Variants in CAPN3 observed in about 807,000 individuals in gnomAD.
CAPN3 encodes calpain-3.
A neutral mutation model predicts 114.0 loss-of-function variants in CAPN3; 88 were observed. The observed-to-expected ratio is 0.77, with a 90% CI of 0.65 to 0.92. The LOEUF is 0.92. Ranked by LOEUF, CAPN3 falls within the 40% of genes least tolerant of loss-of-function variation. The probability of loss-of-function intolerance (pLI) is 0.00; values close to 1 mark genes in which losing one functional copy is unlikely to be tolerated. For missense variants in CAPN3, 1,028 were observed against 1,069.0 expected (o/e 0.96, Z 0.53); for synonymous variants, 386 against 382.9 (o/e 1.01, Z -0.09).
rs200379491 is a variant in CAPN3 at position 42,410,432 on chromosome 15, A to G, written c.2120A>G (p.Asp707Gly). ...GCCCTGACCTCCCTCCTCCAGACAG[A>G]TGGCTCTGGAAAGCTCAACCTGCAG... ...CRSMIALMDT[D>G]GSGKLNLQEF... is the part of the protein sequence containing the mutation. Residue 707 changes from aspartate (D) to glycine (G), a missense_variant, in exon 20 of 24, where the codon GAT (aspartate) becomes GGT (glycine). Coordinates refer to ENST00000397163, the MANE Select transcript of CAPN3 (RefSeq NM_000070.3). 4.6e-5 allele frequency: 75 copies of G among 1,614,114 alleles called. No homozygotes were observed. The East Asian group carries it at 1.6e-3, about 35-fold the overall frequency.
At chr15:42,396,650 T>C (rs2053701714) in intron 8 of CAPN3, 150 bp from the exon 9 acceptor site, 1 of 675,662 alleles carries the variant, frequency 1.5e-6, no homozygotes, top group Non-Finnish European at 2.7e-6. Context: ...TCATTGCTAT[T>C]GGGTTTCACA....
chr15:42,397,362 C>A lies in CAPN3; in HGVS notation c.1193+485C>A, dbSNP rs545264606. ...TCACCCTTAAAATTGTTTGCTTAAG[C>A]CGGGCGCGGTGGCTCACGCCTGTAA... On this transcript the variant is annotated intron_variant, in intron 9 of 23. Coordinates refer to ENST00000397163, the MANE Select transcript of CAPN3 (RefSeq NM_000070.3). Among the ~76,000 whole-genome samples the A allele has an allele frequency of 4.6e-5, 7 of 152,310 alleles. No individual in the cohort carries two copies. In the East Asian group the frequency reaches 1.4e-3, roughly 29 times the overall value.
rs945110364 is a variant in CAPN3 at position 42,411,946 on chromosome 15, C to A, written c.*173C>A. 6.5e-7 allele frequency: 1 copy of A among 1,528,804 alleles called. No homozygotes were observed. The highest frequency in any genetic ancestry group is 1.2e-5 in the South Asian group (1 of 80,048). 94.7% of individuals were successfully genotyped at this position (1,528,804 alleles called of 1,614,324 possible). The stretch of plus-strand genomic sequence containing the variant: ...TACCCCCTACCCATCCTTGATCGGT[C>A]ATGCCTAGCCTGACCCTTTAGTAAA... On this transcript the variant is annotated 3_prime_UTR_variant, in exon 24 of 24. Transcript: ENST00000397163.
At chr15:42,400,242 A>G (rs1487985484) in intron 10 of CAPN3, among the ~76,000 whole-genome samples, 1 of 152,226 alleles carries the variant, frequency 6.6e-6, no homozygotes, top group East Asian at 1.9e-4. Flanking sequence ...AGTAACAGTA[A>G]GGGCACTATT....
chr15:42,403,769 CG>C lies in CAPN3; in HGVS notation c.1776del (p.Pro593GlnfsTer2). On this transcript the variant is annotated frameshift_variant, in exon 14 of 24. Coordinates refer to ENST00000397163, the MANE Select transcript of CAPN3 (RefSeq NM_000070.3). LOFTEE classifies it high-confidence loss of function. ...AGTTGAAAATACCATCTCCGTGGATCGGCCAGTGGTGAGTGGTTTAGATCTT... is the reference window on the plus strand; with the variant it reads ...AGTTGAAAATACCATCTCCGTGGATCGCCAGTGGTGAGTGGTTTAGATCTT... ...EEVENTISVD[R>X]PVKKKKTKPI... 1 of 1,613,936 alleles carries C rather than the reference CG, an allele frequency of 6.2e-7. No homozygotes were observed. Among genetic ancestry groups the C allele is most frequent in the Non-Finnish European group, 8.5e-7 (1 of 1,179,868 alleles).
At position 42,384,664 on chromosome 15, in the gene CAPN3, T is replaced by TG. The variant is rs573048486; in HGVS notation, c.379+114dup. ...TCTGTGCTTGCTTCCAGTAACTTTT[T>TG]GGAAGATTTTTTATAACAGTTGCTT... On this transcript the variant is annotated intron_variant, in intron 2 of 23. Coordinates refer to ENST00000397163, the MANE Select transcript of CAPN3 (RefSeq NM_000070.3). 862 of 822,744 alleles carry TG rather than the reference T, an allele frequency of 1.0e-3. 1 individual carries two copies. The highest frequency in any genetic ancestry group is 1.6e-3 in the Non-Finnish European group (741 of 473,054). 51.0% of individuals were successfully genotyped at this position (822,744 alleles called of 1,614,324 possible).
Position 42,401,804 on chromosome 15 carries a change from C to T in CAPN3, c.1518C>T (p.Ile506=). 1.2e-6 allele frequency: 2 copies of T among 1,613,132 alleles called. No homozygotes were observed. Among genetic ancestry groups the T allele is most frequent in the Non-Finnish European group, 1.7e-6 (2 of 1,179,526 alleles). Residue 506 remains isoleucine (I), a synonymous_variant, in exon 11 of 24, where the codon ATC becomes ATT. Coordinates refer to ENST00000397163, the MANE Select transcript of CAPN3 (RefSeq NM_000070.3). ...GASLFTIGFA[I]YEVPKEMHGN... ...GTCTCTTCACCATTGGCTTCGCCAT[C>T]TACGAGGTGTGCAGTCCTGATTGGC...
intron 1 of CAPN3, among the ~76,000 whole-genome samples, chr15:42,363,929 A>G (rs1339592718): frequency 6.6e-6 from 1 of 152,182 alleles, no homozygotes; most frequent in Non-Finnish European, 1.5e-5. Context: ...AATCTATCTA[A>G]TTCTGAGATT....
chr15:42,369,578 T>C (rs1225542525), intron 1 of CAPN3, among the ~76,000 whole-genome samples: 1 of 152,198 alleles, frequency 6.6e-6, no homozygotes, highest in African/African-American at 2.4e-5. Flanking sequence ...ATTCTTCTTT[T>C]TCATGTTCAA....
At chr15:42,376,630 A>G (rs1173838551) in intron 1 of CAPN3, among the ~76,000 whole-genome samples, 2 of 151,666 alleles carry the variant, frequency 1.3e-5, no homozygotes, top group Non-Finnish European at 2.9e-5. Flanking sequence ...CCAATCCTAG[A>G]ATCAGTCATT....
intron 8 of CAPN3, among the ~76,000 whole-genome samples, 181 bp downstream of exon 8, chr15:42,394,522 C>T (rs28364457): frequency 8.6e-5 from 13 of 152,036 alleles, no homozygotes; most frequent in Non-Finnish European, 1.6e-4. Flanking sequence ...GGAGTGGAAG[C>T]GGGGTGCTGG....
chr15:42,411,596 GA>G, intron 23 of CAPN3, 150 bp from the exon 24 acceptor site: 1 of 734,438 alleles, frequency 1.4e-6, no homozygotes, highest in East Asian at 2.6e-5. Context: ...TAGGAGAAAG[GA>G]AACAGTAAGC....
At chr15:42,374,794 C>CTTTTT (rs66487749) in intron 1 of CAPN3, among the ~76,000 whole-genome samples, 6 of 85,450 alleles carry the variant, frequency 7.0e-5, no homozygotes, top group Non-Finnish European at 8.5e-5. Flanking sequence ...TATCATGTCT[C>CTTTTT]TTTTTTTTTT....
chr15:42,407,247 A>C (rs2054050132), intron 15 of CAPN3, among the ~76,000 whole-genome samples: 1 of 152,106 alleles, frequency 6.6e-6, no homozygotes, highest in African/African-American at 2.4e-5. Context: ...TGCATTCAGT[A>C]TCTCATTTGA....
In CAPN3 at chr15:42,410,641, G is replaced by A; in HGVS notation, c.2238G>A (p.Glu746=). The A allele has an allele frequency of 6.2e-7, 1 of 1,614,032 alleles. No individual in the cohort carries two copies. Among genetic ancestry groups the A allele is most frequent in the Non-Finnish European group, 8.5e-7 (1 of 1,179,970 alleles). Residue 746 remains glutamate (E), a synonymous_variant, in exon 21 of 24, where the codon GAG becomes GAA. Transcript: ENST00000397163. ...TDQSGTINSY[E]MRNAVNDAGF... is the part of the protein sequence containing the mutation. ...AGTCCGGCACCATCAACAGCTACGA[G>A]ATGCGAAATGCAGTCAACGACGCAG...
chr15:42,402,910 CA>C lies in CAPN3; in HGVS notation c.1654del (p.Ser552AlafsTer43). On this transcript the variant is annotated frameshift_variant, in exon 13 of 24. Coordinates refer to ENST00000397163, the MANE Select transcript of CAPN3 (RefSeq NM_000070.3). LOFTEE classifies it high-confidence loss of function. Reference sequence around the variant, plus strand: ...TGTCCCAGCGCTTCCGCCTGCCTCCCAGCGAGTACGTCATCGTGCCCTCCAC... The same window carrying C: ...TGTCCCAGCGCTTCCGCCTGCCTCCCGCGAGTACGTCATCGTGCCCTCCAC... ...EVSQRFRLPP[S>X]EYVIVPSTYE... The C allele has an allele frequency of 6.2e-7, 1 of 1,614,218 alleles. No homozygotes were observed. Among genetic ancestry groups the C allele is most frequent in the East Asian group, 2.2e-5 (1 of 44,884 alleles).
Position 42,402,127 on chromosome 15 carries a change from C to T in CAPN3, c.1528C>T (p.Pro510Ser), listed in dbSNP as rs1474457744. The T allele has an allele frequency of 1.2e-6, 2 of 1,613,956 alleles. No homozygotes were observed. Among genetic ancestry groups the T allele is most frequent in the East Asian group, 2.2e-5 (1 of 44,892 alleles). Residue 510 changes from proline to serine, a missense_variant, in exon 12 of 24, where the codon CCC becomes TCC. Transcript: ENST00000397163. ...FTIGFAIYEV[P>S]KEMHGNKQHL... Reference sequence around the variant, plus strand: ...TTCCTTTCTGTTTCTTCTCAAGGTTCCCAAAGAGGTATAGCAGCAGCAGCG... The same window carrying T: ...TTCCTTTCTGTTTCTTCTCAAGGTTTCCAAAGAGGTATAGCAGCAGCAGCG...
rs28364489 is a variant in CAPN3 at position 42,402,088 on chromosome 15, AC to A, written c.1525-35del. ...TTCCGCAGGCTCCTCATCCTCATTCACATCTGAAGCATCTTCCTTTCTGTTT... is the reference window on the plus strand; with the variant it reads ...TTCCGCAGGCTCCTCATCCTCATTCAATCTGAAGCATCTTCCTTTCTGTTT... On this transcript the variant is annotated intron_variant, in intron 11 of 23. Coordinates refer to ENST00000397163, the MANE Select transcript of CAPN3 (RefSeq NM_000070.3). 3.1e-3 allele frequency: 4,928 copies of A among 1,613,784 alleles called. 220 individuals are homozygous for A. In the East Asian group the frequency reaches 0.091, roughly 30 times the overall value.
In CAPN3 at chr15:42,362,940, C is replaced by CT. The variant is rs528375185; in HGVS notation, c.309+2827dup. Among the ~76,000 whole-genome samples, 95 of 152,296 alleles carry CT rather than the reference C, an allele frequency of 6.2e-4. 2 individuals carry two copies. The East Asian group carries it at 0.017, about 27-fold the overall frequency. ...GTAAAGGCCTTCCTGCTTTTACTGT[C>CT]TAAGGCACAGAACCTTTGGAAACCA... On this transcript the variant is annotated intron_variant, in intron 1 of 23. Coordinates refer to ENST00000397163, the MANE Select transcript of CAPN3 (RefSeq NM_000070.3).
Sources: allele counts gnomAD v4.1 joint callset (sites outside exome capture counted in the v4.1 genomes callset), GRCh38; gene constraint gnomAD v4.1.1; transcripts MANE v1.5; gene names NCBI Gene and HGNC (gene_info 2026-07-23, HGNC 2026-07-21).